Variants in RUNX1 observed in about 807,000 individuals in gnomAD.
RUNX1 encodes runt-related transcription factor 1.
RUNX1 carries 19 observed loss-of-function variants against 42.8 expected under a neutral mutation model. The ratio of observed to expected loss-of-function variants is 0.44; its 90% CI spans 0.31 to 0.65. The LOEUF (loss-of-function observed/expected upper bound fraction) is 0.65, where lower values mean the gene tolerates loss of function less well. RUNX1 is among the 30% of genes least tolerant of loss of function. The pLI is 0.07. For synonymous variants in RUNX1, 271 were observed against 289.4 expected (o/e 0.94, Z 0.64); for missense variants, 528 against 672.0 (o/e 0.79, Z 2.37).
rs567096686 is a variant in RUNX1 at position 35,010,016 on chromosome 21, G to A, written c.58+38826C>T. ...TAGGCTGGATGAAAGTCTATCCTGA[G>A]TGTTCACACAGAACTGCATAGAAAG... On this transcript the variant is annotated intron_variant, in intron 2 of 8. Transcript: ENST00000675419. Among the ~76,000 whole-genome samples the A allele has an allele frequency of 3.3e-5, 5 of 152,292 alleles. No individual in the cohort carries two copies. The South Asian group carries it at 1.0e-3, about 32-fold the overall frequency.
intron 5 of RUNX1, among the ~76,000 whole-genome samples, chr21:34,865,817 TCC>T (rs2057653553): frequency 1.3e-5 from 2 of 152,294 alleles, no homozygotes; most frequent in African/African-American, 2.4e-5. Context: ...TGCACACTGC[TCC>T]CCAAAGAGCT....
chr21:34,900,212 T>C (rs1019147528), intron 2 of RUNX1, among the ~76,000 whole-genome samples: 1 of 152,260 alleles, frequency 6.6e-6, no homozygotes, highest in African/African-American at 2.4e-5. Flanking sequence ...TACATTTTTC[T>C]TTTGTTTCTG....
chr21:35,045,769 C>A (rs150000841), intron 2 of RUNX1, among the ~76,000 whole-genome samples: 1 of 152,086 alleles, frequency 6.6e-6, no homozygotes, highest in African/African-American at 2.4e-5. Flanking sequence ...AGCGGCAAGC[C>A]GATGCTTAGA....
chr21:34,813,131 G>A (rs2056779159), intron 7 of RUNX1, among the ~76,000 whole-genome samples: 1 of 152,078 alleles, frequency 6.6e-6, no homozygotes, highest in African/African-American at 2.4e-5. Context: ...GCAATGTCTG[G>A]AGACATTTTT....
intron 4 of RUNX1, among the ~76,000 whole-genome samples, chr21:34,881,204 A>G (rs2057900448): frequency 1.3e-5 from 2 of 152,240 alleles, no homozygotes; most frequent in South Asian, 4.1e-4. Context: ...TTATAATCCA[A>G]CCCATCTTTT....
At chr21:34,946,920 T>A (rs910850470) in intron 2 of RUNX1, among the ~76,000 whole-genome samples, 1 of 152,242 alleles carries the variant, frequency 6.6e-6, no homozygotes, top group Non-Finnish European at 1.5e-5. Context: ...TGCACTTGCA[T>A]CCCACTAGGT....
chr21:34,958,771 T>A (rs1382862355), intron 2 of RUNX1, among the ~76,000 whole-genome samples: 1 of 151,750 alleles, frequency 6.6e-6, no homozygotes, highest in Non-Finnish European at 1.5e-5. Flanking sequence ...TGCGGCACTA[T>A]TCACAATAGC....
intron 7 of RUNX1, among the ~76,000 whole-genome samples, chr21:34,817,824 GATC>G (rs1049030633): frequency 1.1e-4 from 16 of 152,252 alleles, no homozygotes; most frequent in African/African-American, 3.9e-4. Context: ...CCTTCAGAGC[GATC>G]ATCACCCTTG....
At chr21:34,918,089 C>G (rs2058325465) in intron 2 of RUNX1, among the ~76,000 whole-genome samples, 1 of 139,118 alleles carries the variant, frequency 7.2e-6, no homozygotes, top group African/African-American at 2.7e-5. Context: ...GATTGAGCCA[C>G]TGCACTCCAG....
chr21:35,047,564 CTCTCTCTCTCTCT>C (rs2059408900), intron 2 of RUNX1, among the ~76,000 whole-genome samples: 3 of 66,760 alleles, frequency 4.5e-5, no homozygotes, highest in African/African-American at 2.0e-4. Flanking sequence ...CACACACACT[CTCTCTCTCTCTCT>C]CTCTCTCTCT....
intron 2 of RUNX1, among the ~76,000 whole-genome samples, chr21:34,987,482 GT>G (rs1049248451): frequency 7.2e-5 from 11 of 152,216 alleles, no homozygotes; most frequent in African/African-American, 2.4e-4. Context: ...GAAAGAGAAA[GT>G]GAGGGGGCTT....
intron 2 of RUNX1, among the ~76,000 whole-genome samples, chr21:34,973,890 C>T (rs1051696168): frequency 3.9e-5 from 6 of 152,098 alleles, no homozygotes; most frequent in African/African-American, 1.2e-4. Context: ...TACATTTACA[C>T]ATTGAGGGGA....
chr21:34,981,910 C>A (rs970339000), intron 2 of RUNX1, among the ~76,000 whole-genome samples: 1 of 152,170 alleles, frequency 6.6e-6, no homozygotes, highest in Admixed American at 6.5e-5. Flanking sequence ...CCCCCCTCAA[C>A]AAATCTCTCT....
intron 5 of RUNX1, among the ~76,000 whole-genome samples, chr21:34,864,721 A>T (rs951864890): frequency 9.9e-5 from 15 of 152,196 alleles, no homozygotes; most frequent in South Asian, 2.1e-4. Flanking sequence ...AACCCTGACC[A>T]CCACAGCAGC....
At chr21:35,001,163 C>T (rs1294709434) in intron 2 of RUNX1, among the ~76,000 whole-genome samples, 1 of 151,972 alleles carries the variant, frequency 6.6e-6, no homozygotes, top group Non-Finnish European at 1.5e-5. Context: ...TTTTTTACTT[C>T]CATTTGCAAT....
At chr21:35,012,892 A>G (rs2059135718) in intron 2 of RUNX1, among the ~76,000 whole-genome samples, 1 of 152,224 alleles carries the variant, frequency 6.6e-6, no homozygotes, top group Non-Finnish European at 1.5e-5. Flanking sequence ...GGCTTTGTGC[A>G]TAAGGTTTTT....
At chr21:34,896,074 T>A (rs933909391) in intron 2 of RUNX1, among the ~76,000 whole-genome samples, 4 of 151,698 alleles carry the variant, frequency 2.6e-5, no homozygotes, top group Non-Finnish European at 4.4e-5. Context: ...ACAGCGGGTT[T>A]ACAGAGAGAC....
chr21:34,804,230 G>A (rs1460041435), intron 7 of RUNX1, among the ~76,000 whole-genome samples: 1 of 152,110 alleles, frequency 6.6e-6, no homozygotes, highest in Admixed American at 6.5e-5. Context: ...CACTCCTAGG[G>A]GCTACAGTTT....
chr21:35,017,279 C>T (rs959488979), intron 2 of RUNX1, among the ~76,000 whole-genome samples: 6 of 152,112 alleles, frequency 3.9e-5, no homozygotes, highest in Non-Finnish European at 5.9e-5. Context: ...AGCACACGTG[C>T]TTTTTATATT....
Sources: gnomAD v4.1 joint callset for allele counts (sites outside exome capture counted in the v4.1 genomes callset) on GRCh38, gnomAD v4.1.1 for gene constraint, MANE v1.5 for transcripts, NCBI Gene and HGNC (gene_info 2026-07-23, HGNC 2026-07-21) for gene names.